PI15: variants seen among roughly 807,000 people sequenced by gnomAD.
PI15 encodes 25 kDa trypsin inhibitor.
PI15 carries 18 observed loss-of-function variants against 31.0 expected under a neutral mutation model. That is an observed-to-expected ratio of 0.58 (90% CI 0.40 to 0.86). The LOEUF (loss-of-function observed/expected upper bound fraction) is 0.86. PI15 is among the 40% of genes least tolerant of loss of function. The probability of loss-of-function intolerance (pLI) is 0.00; values close to 1 mark genes in which losing one functional copy is unlikely to be tolerated. For missense variants in PI15, 282 were observed against 328.1 expected, an observed-to-expected ratio of 0.86 and a Z score of 1.09; for synonymous variants, 118 against 119.1, an observed-to-expected ratio of 0.99 and a Z score of 0.06.
intron 2 of PI15, among the ~76,000 whole-genome samples, chr8:74,837,941 A>C (rs1324164622): frequency 6.6e-6 from 1 of 152,112 alleles, no homozygotes; most frequent in Admixed American, 6.6e-5. Flanking sequence ...AATTTTCATA[A>C]TTAATATTCT....
At chr8:74,831,960 G>C (rs958559913) in intron 2 of PI15, among the ~76,000 whole-genome samples, 54 of 151,928 alleles carry the variant, frequency 3.6e-4, no homozygotes, top group Non-Finnish European at 2.9e-5. Flanking sequence ...ACATTTGTTC[G>C]AATTTCATTT....
At chr8:74,832,733 T>A (rs576416900) in intron 2 of PI15, among the ~76,000 whole-genome samples, 1 of 151,336 alleles carries the variant, frequency 6.6e-6, no homozygotes, top group South Asian at 2.1e-4. Context: ...AGGGATAGGA[T>A]TTGAATTCTT....
intron 2 of PI15, among the ~76,000 whole-genome samples, chr8:74,830,344 C>T (rs772381330): frequency 6.6e-6 from 1 of 151,944 alleles, no homozygotes. Context: ...ATTGATAATA[C>T]AGTATCTCTT....
chr8:74,829,130 G>A (rs1201810461), intron 2 of PI15, among the ~76,000 whole-genome samples: 2 of 152,044 alleles, frequency 1.3e-5, no homozygotes, highest in East Asian at 3.9e-4. Flanking sequence ...TATAGAAAGT[G>A]ATCAACCATT....
intron 5 of PI15, among the ~76,000 whole-genome samples, chr8:74,846,564 T>C (rs1811030126): frequency 6.6e-6 from 1 of 152,226 alleles, no homozygotes; most frequent in Non-Finnish European, 1.5e-5. Context: ...GGCCCATAGT[T>C]ATAATTTTCT....
rs1810685369 is a variant in PI15 at position 74,825,515 on chromosome 8, A to G, written c.266A>G (p.Glu89Gly). Residue 89 changes from glutamate to glycine, a missense_variant, in exon 2 of 6, where the codon GAA (glutamate) becomes GGA (glycine). By Grantham distance (98) the Glu-to-Gly change is moderately conservative (BLOSUM62 -2). Transcript: ENST00000260113. Reference sequence around the variant, plus strand: ...GTGTTCCCACCGGCAGCAAATATGGAATATATGGTAAGAAGAATTCTTTTT... The same window carrying G: ...GTGTTCCCACCGGCAGCAAATATGGGATATATGGTAAGAAGAATTCTTTTT... ...GKVFPPAANM[E>G]YMVWDENLAK... is the part of the protein sequence containing the mutation. 1 of 1,608,018 alleles carries G rather than the reference A, an allele frequency of 6.2e-7. No homozygotes were observed. The highest frequency in any genetic ancestry group is 8.5e-7 in the Non-Finnish European group (1 of 1,176,994).
intron 2 of PI15, chr8:74,826,233 T>C: frequency 1.6e-6 from 1 of 640,592 alleles, no homozygotes; most frequent in Non-Finnish European, 1.9e-6. Context: ...GAAAAAGTCT[T>C]GTTAAAATTT....
intron 2 of PI15, among the ~76,000 whole-genome samples, chr8:74,833,525 T>G (rs1474158415): frequency 6.6e-6 from 1 of 152,072 alleles, no homozygotes; most frequent in Non-Finnish European, 1.5e-5. Flanking sequence ...AACTTCCGGC[T>G]GCCAGATAAT....
At chr8:74,847,019 T>C (rs985174320) in intron 5 of PI15, among the ~76,000 whole-genome samples, 4 of 152,190 alleles carry the variant, frequency 2.6e-5, no homozygotes, top group Non-Finnish European at 5.9e-5. Context: ...ATTTTACTTA[T>C]GATACAATTT....
Position 74,845,162 on chromosome 8 carries a change from T to G in PI15, c.427T>G (p.Tyr143Asp). The G allele has an allele frequency of 6.2e-7, 1 of 1,612,714 alleles. No homozygotes were observed. Among genetic ancestry groups the G allele is most frequent in the Non-Finnish European group, 8.5e-7 (1 of 1,178,646 alleles). ...TATTCTCCAGTTGGTCAAGCCATGG[T>G]ATGATGAAGTGAAAGATTATGCTTT... is the stretch of plus-strand genomic sequence containing the variant. ...RSILQLVKPW[Y>D]DEVKDYAFPY... The change falls in exon 4 of 6, where the codon TAT becomes GAT. Residue 143 changes from tyrosine to aspartate, a missense_variant. By Grantham distance (160) the Tyr-to-Asp change is radical. Coordinates refer to ENST00000260113, the MANE Select transcript of PI15 (RefSeq NM_015886.5).
In PI15 at chr8:74,849,467, C is replaced by G. The variant is rs991809065; in HGVS notation, c.*214C>G. On this transcript the variant is annotated 3_prime_UTR_variant, in exon 6 of 6. Transcript: ENST00000260113. ...AATTTCTATTTTCTGACCTCTAAGC[C>G]TAAATTAAGATATTGTATATGTAAT... 2.2e-6 allele frequency: 1 copy of G among 445,344 alleles called. No individual in the cohort carries two copies. Among genetic ancestry groups the G allele is most frequent in the African/African-American group, 2.0e-5 (1 of 49,068 alleles). The allele number at this position is 445,344 out of a possible 1,614,324, so 27.6% of individuals were successfully genotyped here.
intron 2 of PI15, among the ~76,000 whole-genome samples, chr8:74,835,403 T>C (rs1392601211): frequency 6.6e-6 from 1 of 152,158 alleles, no homozygotes; most frequent in Non-Finnish European, 1.5e-5. Context: ...AAAAGTTCCC[T>C]GGGAGATTCT....
chr8:74,842,582 T>C (rs1298453529), intron 2 of PI15, among the ~76,000 whole-genome samples: 1 of 152,210 alleles, frequency 6.6e-6, no homozygotes, highest in Non-Finnish European at 1.5e-5. Flanking sequence ...TTCTCTATTG[T>C]GTATTTTTGT....
At chr8:74,842,045 A>G (rs1563568493) in intron 2 of PI15, among the ~76,000 whole-genome samples, 2 of 152,094 alleles carry the variant, frequency 1.3e-5, no homozygotes, top group Non-Finnish European at 2.9e-5. Context: ...TAAAGTCACT[A>G]AATTAGTTTC....
At chr8:74,845,968 A>C (rs1811019412) in intron 5 of PI15, 1 of 155,748 alleles carries the variant, frequency 6.4e-6, no homozygotes. Context: ...GGCATATATA[A>C]AATGGATTAT....
chr8:74,848,765 G>A (rs1255598683), intron 5 of PI15, among the ~76,000 whole-genome samples: 4 of 141,968 alleles, frequency 2.8e-5, no homozygotes, highest in Non-Finnish European at 6.1e-5. Flanking sequence ...ACGGAGTCTC[G>A]CTCTGTCGCC....
At chr8:74,845,802 A>G (rs1256744987) in intron 5 of PI15, 1 of 259,694 alleles carries the variant, frequency 3.9e-6, no homozygotes, top group Non-Finnish European at 7.5e-6. Context: ...ACAAGCTTTT[A>G]ATAGCTATAT....
At chr8:74,832,024 G>C (rs76886481) in intron 2 of PI15, among the ~76,000 whole-genome samples, 1 of 152,074 alleles carries the variant, frequency 6.6e-6, no homozygotes, top group African/African-American at 2.4e-5. Context: ...TATAATCAAC[G>C]AAGTGAAGAA....
At chr8:74,839,849 A>G (rs1529765) in intron 2 of PI15, among the ~76,000 whole-genome samples, 140,718 of 152,032 alleles carry the variant, frequency 0.93, 65,085 homozygotes, top group East Asian at 1. Context: ...AAATGCTACA[A>G]ACACTCAGAG....
Sources: allele counts gnomAD v4.1 joint callset (sites outside exome capture counted in the v4.1 genomes callset), GRCh38; gene constraint gnomAD v4.1.1; transcripts MANE v1.5; gene names NCBI Gene and HGNC (gene_info 2026-07-23, HGNC 2026-07-21).